The following DTNB variants were observed in gnomAD, a reference collection of about 807,000 sequenced individuals.
DTNB encodes the protein dystrobrevin beta.
DTNB carries 63 observed loss-of-function variants against 90.7 expected under a neutral mutation model. That is an observed-to-expected ratio of 0.69 (90% CI 0.57 to 0.86). The LOEUF (loss-of-function observed/expected upper bound fraction) is 0.86, where lower values mean the gene tolerates loss of function less well. DTNB is among the 40% of genes least tolerant of loss of function. The probability of loss-of-function intolerance (pLI) is 0.00; values close to 1 mark genes in which losing one functional copy is unlikely to be tolerated. For missense variants in DTNB, 744 were observed against 807.1 expected, an observed-to-expected ratio of 0.92 and a Z score of 0.95; for synonymous variants, 277 against 286.7, an observed-to-expected ratio of 0.97 and a Z score of 0.34.
At chr2:25,593,254 GA>G (rs972936831) in intron 6 of DTNB, among the ~76,000 whole-genome samples, 2 of 152,182 alleles carry the variant, frequency 1.3e-5, no homozygotes, top group Admixed American at 1.3e-4. Flanking sequence ...AATGCTGGGG[GA>G]AAGTGCATAT....
chr2:25,422,793 AG>A (rs777596118), intron 15 of DTNB, among the ~76,000 whole-genome samples: 2 of 152,246 alleles, frequency 1.3e-5, no homozygotes, highest in Non-Finnish European at 2.9e-5. Flanking sequence ...TAGATTAAAT[AG>A]GAAGTTTTTT....
intron 16 of DTNB, among the ~76,000 whole-genome samples, chr2:25,389,107 CA>C (rs1374664637): frequency 6.6e-6 from 1 of 152,232 alleles, no homozygotes; most frequent in East Asian, 1.9e-4. Flanking sequence ...CTTCGCCTCC[CA>C]AAGTGCTAGG....
At chr2:25,515,734 C>A (rs936157333) in intron 9 of DTNB, among the ~76,000 whole-genome samples, 22 of 152,084 alleles carry the variant, frequency 1.4e-4, no homozygotes, top group African/African-American at 5.3e-4. Context: ...CGCCACCATG[C>A]CCGGCTAATT....
At chr2:25,596,351 A>G (rs2064634433) in intron 5 of DTNB, 111 bp from the exon 6 acceptor site, 1 of 1,244,174 alleles carries the variant, frequency 8.0e-7, no homozygotes, top group South Asian at 1.7e-5. Flanking sequence ...AAAGTATCAT[A>G]AAATTATTGT....
At position 25,606,402 on chromosome 2, in the gene DTNB, AG is replaced by A. The variant is rs2067116448; in HGVS notation, c.448+833del. Reference sequence around the variant, plus strand: ...GTGTCTCCTGCTACAGCACTAGCACAGGGGAGCACAATCACATAGCTCAGAA... The same window carrying A: ...GTGTCTCCTGCTACAGCACTAGCACAGGGAGCACAATCACATAGCTCAGAA... On this transcript the variant is annotated intron_variant, in intron 5 of 20. Coordinates refer to ENST00000406818, the MANE Select transcript of DTNB (RefSeq NM_021907.5). Among the ~76,000 whole-genome samples the A allele has an allele frequency of 2.6e-5, 4 of 152,306 alleles. No individual in the cohort carries two copies. In the South Asian group the frequency reaches 8.3e-4, roughly 32 times the overall value.
At chr2:25,646,706 C>T (rs1559373303) in intron 2 of DTNB, among the ~76,000 whole-genome samples, 1 of 152,108 alleles carries the variant, frequency 6.6e-6, no homozygotes, top group Admixed American at 6.5e-5. Context: ...GTTGTTCTGC[C>T]TTTCTGGACC....
intron 9 of DTNB, among the ~76,000 whole-genome samples, chr2:25,508,613 C>T (rs1218456789): frequency 2.6e-5 from 4 of 151,458 alleles, no homozygotes; most frequent in African/African-American, 7.3e-5. Context: ...TGGCTCACCA[C>T]AACCTCCGCC....
At chr2:25,410,263 T>G (rs1057344124) in intron 16 of DTNB, among the ~76,000 whole-genome samples, 6 of 151,990 alleles carry the variant, frequency 3.9e-5, no homozygotes, top group African/African-American at 1.5e-4. Flanking sequence ...AAGACAGAAA[T>G]ATAGTACAGG....
chr2:25,652,703 ACAATT>A (rs1324098080), intron 1 of DTNB, 42 bp from the exon 2 acceptor site: 1 of 1,590,802 alleles, frequency 6.3e-7, no homozygotes, highest in African/African-American at 1.4e-5. Context: ...GTATAATTCG[ACAATT>A]CAATCAAGTG....
intron 8 of DTNB, among the ~76,000 whole-genome samples, chr2:25,543,100 C>A (rs554873995): frequency 6.6e-6 from 1 of 152,208 alleles, no homozygotes; most frequent in South Asian, 2.1e-4. Context: ...TAAAAATATA[C>A]AAAGTCTAAA....
At chr2:25,616,257 T>C (rs1030166278) in intron 4 of DTNB, among the ~76,000 whole-genome samples, 1 of 152,214 alleles carries the variant, frequency 6.6e-6, no homozygotes, top group Non-Finnish European at 1.5e-5. Context: ...ACCTCATTAA[T>C]ACCCATCCAT....
chr2:25,398,897 C>T (rs2043016554), intron 16 of DTNB, among the ~76,000 whole-genome samples: 2 of 152,152 alleles, frequency 1.3e-5, no homozygotes, highest in South Asian at 2.1e-4. Flanking sequence ...TCCCTGTGCT[C>T]AGCACAGGTA....
chr2:25,483,076 G>T (rs944198912), intron 9 of DTNB, among the ~76,000 whole-genome samples: 1 of 151,962 alleles, frequency 6.6e-6, no homozygotes, highest in Non-Finnish European at 1.5e-5. Context: ...CCTTGGGGAG[G>T]GGGGTAGAAA....
rs1472213560 is a variant in DTNB at position 25,653,406 on chromosome 2, G to A, written c.-1-745C>T. 2.8e-5 allele frequency among the ~76,000 whole-genome samples: 4 copies of A among 142,694 alleles called. 1 individual carries two copies. The Admixed American group carries it at 2.8e-4, about 10-fold the overall frequency. The allele number at this position is 142,694 out of a possible 152,430, so 93.6% of individuals were successfully genotyped here. A position where few individuals can be genotyped will look rare whatever the true frequency, so the allele number is the denominator to read the frequency against. Reference sequence around the variant, plus strand: ...GAGGCCTCTTCAGCCATGTGGCACTGTAAGTCCAATTAAACGTTTTTTTTT... The same window carrying A: ...GAGGCCTCTTCAGCCATGTGGCACTATAAGTCCAATTAAACGTTTTTTTTT... On this transcript the variant is annotated intron_variant, in intron 1 of 20. Coordinates refer to ENST00000406818, the MANE Select transcript of DTNB (RefSeq NM_021907.5).
intron 10 of DTNB, among the ~76,000 whole-genome samples, chr2:25,464,100 G>T (rs2061420385): frequency 6.6e-6 from 1 of 152,164 alleles, no homozygotes; most frequent in South Asian, 2.1e-4. Flanking sequence ...GTAGAGTTGG[G>T]GTTTCGCCAT....
intron 8 of DTNB, among the ~76,000 whole-genome samples, chr2:25,567,704 G>A (rs945229075): frequency 2.6e-5 from 4 of 152,116 alleles, no homozygotes; most frequent in Admixed American, 6.5e-5. Context: ...TGGTACAGGC[G>A]TATTTTGTAT....
intron 9 of DTNB, among the ~76,000 whole-genome samples, chr2:25,523,685 G>A (rs1208090096): frequency 6.7e-6 from 1 of 148,694 alleles, no homozygotes; most frequent in African/African-American, 2.5e-5. Context: ...GTTTGTATTT[G>A]TACTCTGCAT....
chr2:25,474,187 C>T lies in DTNB; in HGVS notation c.1079+8609G>A, dbSNP rs548823179. Among the ~76,000 whole-genome samples the T allele has an allele frequency of 3.9e-5, 6 of 152,114 alleles. No individual in the cohort carries two copies. The East Asian group carries it at 5.8e-4, about 15-fold the overall frequency. ...CAACCCAGAAGCAGCTGAAAACTGG[C>T]GGTCTGCCCAGGCTGTCAGACAGGC... On this transcript the variant is annotated intron_variant, in intron 10 of 20. Transcript: ENST00000406818.
chr2:25,415,482 G>A (rs562035486), intron 16 of DTNB, among the ~76,000 whole-genome samples: 3 of 152,028 alleles, frequency 2.0e-5, no homozygotes, highest in Non-Finnish European at 2.9e-5. Context: ...TCTAAAACCC[G>A]TGGAATCTCC....
Sources: allele counts gnomAD v4.1 joint callset (sites outside exome capture counted in the v4.1 genomes callset), GRCh38; gene constraint gnomAD v4.1.1; transcripts MANE v1.5; gene names NCBI Gene and HGNC (gene_info 2026-07-23, HGNC 2026-07-21).